The following ZZEF1 variants were observed in gnomAD, a reference collection of about 807,000 sequenced individuals.
ZZEF1 encodes zinc finger ZZ-type and EF-hand domain containing 1.
ZZEF1 carries 157 observed loss-of-function variants against 342.8 expected under a neutral mutation model. The observed-to-expected ratio is 0.46, with a 90% CI of 0.40 to 0.52. The LOEUF is 0.52. Ranked by LOEUF, ZZEF1 falls within the 20% of genes least tolerant of loss-of-function variation. The pLI is 0.00. For missense variants in ZZEF1, 3,480 were observed against 3,725.6 expected (o/e 0.93, Z 1.72); for synonymous variants, 1,505 against 1,429.1 (o/e 1.05, Z -1.20).
Position 4,077,227 on chromosome 17 carries a change from G to C in ZZEF1, c.2990-238C>G, listed in dbSNP as rs577376698. ...TTTTGTCTTTTGATGAAGTAGAGGA[G>C]CACTTGTAGAAGTGAAATTCCATGC... On this transcript the variant is annotated intron_variant, in intron 19 of 54. Coordinates refer to ENST00000381638, the MANE Select transcript of ZZEF1 (RefSeq NM_015113.4). 8.3e-4 allele frequency among the ~76,000 whole-genome samples: 126 copies of C among 152,210 alleles called. 1 individual carries two copies. The highest frequency in any genetic ancestry group is 3.0e-3 in the African/African-American group (123 of 41,534).
At chr17:4,134,185 G>T (rs1488951325) in intron 1 of ZZEF1, among the ~76,000 whole-genome samples, 1 of 151,602 alleles carries the variant, frequency 6.6e-6, no homozygotes, top group African/African-American at 2.4e-5. Context: ...ACTGTCTTAA[G>T]AAAAGAAATG....
intron 54 of ZZEF1, among the ~76,000 whole-genome samples, chr17:4,007,564 G>A (rs139292016): frequency 0.029 from 4,347 of 152,282 alleles, 142 homozygotes; most frequent in African/African-American, 0.084. Context: ...GGCAGCAAGA[G>A]GGACCCGCCC....
intron 1 of ZZEF1, among the ~76,000 whole-genome samples, chr17:4,140,239 C>T (rs2058820807): frequency 1.3e-5 from 2 of 152,204 alleles, no homozygotes; most frequent in South Asian, 2.1e-4. Context: ...TTTGTGTATC[C>T]CTAATACACC....
At chr17:4,044,104 A>G (rs1425838057) in intron 38 of ZZEF1, 120 bp downstream of exon 38, 2 of 1,096,142 alleles carry the variant, frequency 1.8e-6, no homozygotes, top group African/African-American at 1.6e-5. Context: ...AACAGAACTG[A>G]GAAACCACGC....
Position 4,062,788 on chromosome 17 carries a change from C to A in ZZEF1, c.4848G>T (p.Leu1616=). 1 of 1,611,736 alleles carries A rather than the reference C, an allele frequency of 6.2e-7. No individual in the cohort carries two copies. The highest frequency in any genetic ancestry group is 8.5e-7 in the Non-Finnish European group (1 of 1,178,822). ...CTTTCTGACAGGTCAGAAGTTCCAA[C>A]AGGAAAAGTATGAAAGGTGGATGGA... is the stretch of plus-strand genomic sequence containing the variant. ...HCFHPPFILF[L]LELLTCQKDF... The change falls in exon 30 of 55, where the codon CTG becomes CTT. Residue 1616 remains leucine (L), a synonymous_variant. Coordinates refer to ENST00000381638, the MANE Select transcript of ZZEF1 (RefSeq NM_015113.4).
chr17:4,142,943 C>T lies in ZZEF1; in HGVS notation c.-48G>A, dbSNP rs2058893859. The stretch of plus-strand genomic sequence containing the variant: ...GGCTCTGCAGCCGCCGCCGCCGCCT[C>T]CCCGCCTCGACCTGTCAACCTCCGA... On this transcript the variant is annotated 5_prime_UTR_variant, in exon 1 of 55. Transcript: ENST00000381638. 2 of 1,302,632 alleles carry T rather than the reference C, an allele frequency of 1.5e-6. No individual in the cohort carries two copies. The highest frequency in any genetic ancestry group is 1.5e-5 in the African/African-American group (1 of 64,680). The allele number at this position is 1,302,632 out of a possible 1,614,324, so 80.7% of individuals were successfully genotyped here.
At chr17:4,040,882 C>G (rs2056787676) in intron 39 of ZZEF1, among the ~76,000 whole-genome samples, 1 of 152,254 alleles carries the variant, frequency 6.6e-6, no homozygotes, top group Admixed American at 6.5e-5. Flanking sequence ...AGGCTAAGAG[C>G]CAATTGCAGA....
chr17:4,020,181 G>A (rs1413274116), intron 45 of ZZEF1, among the ~76,000 whole-genome samples: 1 of 152,140 alleles, frequency 6.6e-6, no homozygotes, highest in Non-Finnish European at 1.5e-5. Context: ...CCAGGCTGGA[G>A]TGCAGTGGTG....
chr17:4,031,028 C>A (rs1171157312), intron 42 of ZZEF1, among the ~76,000 whole-genome samples: 1 of 149,806 alleles, frequency 6.7e-6, no homozygotes, highest in Non-Finnish European at 1.5e-5. Context: ...AAAATACAAA[C>A]GTTAGGCTGG....
At chr17:4,111,074 A>T (rs2054037) in intron 5 of ZZEF1, among the ~76,000 whole-genome samples, 10,084 of 152,330 alleles carry the variant, frequency 0.066, 465 homozygotes, top group South Asian at 0.13. Context: ...CACTCTAAAA[A>T]ATTACAAAAG....
In ZZEF1 at chr17:4,022,209, A is replaced by G. The variant is rs532729643; in HGVS notation, c.7212+500T>C. On this transcript the variant is annotated intron_variant, in intron 44 of 54. Coordinates refer to ENST00000381638, the MANE Select transcript of ZZEF1 (RefSeq NM_015113.4). Reference sequence around the variant, plus strand: ...TGAATGGCCGCTCACTCCCTCCTACATGATGGCAGCCTTTCCTGGGCCGAA... The same window carrying G: ...TGAATGGCCGCTCACTCCCTCCTACGTGATGGCAGCCTTTCCTGGGCCGAA... Among the ~76,000 whole-genome samples, 92 of 152,210 alleles carry G rather than the reference A, an allele frequency of 6.0e-4. 3 individuals are homozygous for G. In the Middle Eastern group the frequency reaches 0.017, roughly 28 times the overall value.
intron 1 of ZZEF1, among the ~76,000 whole-genome samples, chr17:4,138,865 C>T (rs557372441): frequency 3.2e-4 from 49 of 152,348 alleles, no homozygotes; most frequent in African/African-American, 1.2e-3. Context: ...TTAAATATTG[C>T]TCCTTGTGAG....
chr17:4,127,632 G>A (rs1226577136), intron 1 of ZZEF1, among the ~76,000 whole-genome samples: 1 of 152,030 alleles, frequency 6.6e-6, no homozygotes, highest in Non-Finnish European at 1.5e-5. Context: ...CAGAAATCTG[G>A]GGGTGTATTC....
intron 46 of ZZEF1, among the ~76,000 whole-genome samples, chr17:4,019,445 A>G (rs2056205690): frequency 6.6e-6 from 1 of 152,192 alleles, no homozygotes; most frequent in African/African-American, 2.4e-5. Context: ...TCAGAGGCCG[A>G]CTACAAACAT....
At position 4,022,766 on chromosome 17, in the gene ZZEF1, C is replaced by A; in HGVS notation, c.7155G>T (p.Val2385=). The change falls in exon 44 of 55, where the codon GTG becomes GTT. Residue 2385 remains valine (V), a synonymous_variant. Transcript: ENST00000381638. ...AGCCAGTCCCTTTGCTGCACTTTTTCACCAGCAACTTCAGCAAATCGGTCT... is the reference window on the plus strand; with the variant it reads ...AGCCAGTCCCTTTGCTGCACTTTTTAACCAGCAACTTCAGCAAATCGGTCT... The part of the protein sequence containing the change: ...FLQTDLLKLL[V]KKCSKGTGFS... 6.2e-7 allele frequency: 1 copy of A among 1,613,864 alleles called. No individual in the cohort carries two copies.
At chr17:4,022,232 G>T (rs1489862662) in intron 44 of ZZEF1, among the ~76,000 whole-genome samples, 1 of 152,162 alleles carries the variant, frequency 6.6e-6, no homozygotes, top group Non-Finnish European at 1.5e-5. Context: ...TTCCTGGGCC[G>T]AAAGTTGGCA....
chr17:4,042,245 T>G (rs1227395397), intron 39 of ZZEF1, among the ~76,000 whole-genome samples, 184 bp downstream of exon 39: 2 of 145,748 alleles, frequency 1.4e-5, no homozygotes, highest in African/African-American at 2.5e-5. Context: ...ATATATTGTT[T>G]TATACACACA....
rs2058532057 is a variant in ZZEF1, at chr17:4,123,932, T to C, written c.474A>G (p.Gln158=). ...LQGELSHIIR[Q]LQACSLVPGF... ...CTGGAACCAGAGAGCAGGCCTGTAG[T>C]TGTCTGATGATGTGGCTCAGCTCCC... The change falls in exon 2 of 55, where the codon CAA becomes CAG. Residue 158 remains glutamine, a synonymous_variant. Coordinates refer to ENST00000381638, the MANE Select transcript of ZZEF1 (RefSeq NM_015113.4). The C allele has an allele frequency of 6.2e-7, 1 of 1,613,910 alleles. No individual in the cohort carries two copies. Among genetic ancestry groups the C allele is most frequent in the Non-Finnish European group, 8.5e-7 (1 of 1,179,952 alleles).
intron 36 of ZZEF1, among the ~76,000 whole-genome samples, 184 bp from the exon 37 acceptor site, chr17:4,050,043 T>C (rs2057012413): frequency 6.6e-6 from 1 of 152,222 alleles, no homozygotes; most frequent in Non-Finnish European, 1.5e-5. Context: ...TCCTCTCAGA[T>C]GGTGAGAGGC....
Sources: allele counts gnomAD v4.1 joint callset (sites outside exome capture counted in the v4.1 genomes callset), GRCh38; gene constraint gnomAD v4.1.1; transcripts MANE v1.5; gene names NCBI Gene and HGNC (gene_info 2026-07-23, HGNC 2026-07-21).